Variants in ZFHX3 observed in about 807,000 individuals in gnomAD.
ZFHX3 encodes zinc finger homeobox protein 3.
Under a neutral mutation model 279.1 loss-of-function variants are expected in ZFHX3, and 42 were observed. That is an observed-to-expected ratio of 0.15 (90% CI 0.12 to 0.19). The LOEUF (loss-of-function observed/expected upper bound fraction) is 0.19, where lower values mean the gene tolerates loss of function less well. ZFHX3 is among the 10% of genes least tolerant of loss of function. The pLI, the probability that ZFHX3 is intolerant of heterozygous loss-of-function variation, is 1.00. For missense variants in ZFHX3, 4,981 were observed against 4,754.0 expected (o/e 1.05, Z -1.40); for synonymous variants, 2,293 against 1,957.8 (o/e 1.17, Z -4.52).
intron 6 of ZFHX3, among the ~76,000 whole-genome samples, chr16:73,135,574 T>A (rs917691292): frequency 6.6e-6 from 1 of 152,238 alleles, no homozygotes; most frequent in Non-Finnish European, 1.5e-5. Flanking sequence ...TGCAAACTTA[T>A]GACCTATGAA....
intron 4 of ZFHX3, among the ~76,000 whole-genome samples, chr16:72,864,955 A>G (rs531719888): frequency 6.6e-6 from 1 of 152,352 alleles, no homozygotes; most frequent in East Asian, 1.9e-4. Context: ...GATGTGGGCC[A>G]GTGCATTTCC....
intron 4 of ZFHX3, 113 bp from the exon 5 acceptor site, chr16:72,829,972 C>T (rs2037025571): frequency 5.5e-6 from 6 of 1,091,586 alleles, no homozygotes; most frequent in South Asian, 1.4e-5. Flanking sequence ...GACTCGTCCC[C>T]CTTCTCTTTC....
intron 2 of ZFHX3, among the ~76,000 whole-genome samples, chr16:73,547,632 A>T (rs1392222829): frequency 1.3e-5 from 2 of 152,160 alleles, no homozygotes; most frequent in Non-Finnish European, 1.5e-5. Context: ...CTTGATTTTC[A>T]TAATACAAGG....
At chr16:73,768,063 A>C (rs139430210) in intron 1 of ZFHX3, among the ~76,000 whole-genome samples, 52 of 152,302 alleles carry the variant, frequency 3.4e-4, no homozygotes, top group African/African-American at 1.1e-3. Context: ...ACCAGAAAGG[A>C]TTCAGGGCCT....
chr16:72,994,017 T>G (rs577588276), intron 1 of ZFHX3, among the ~76,000 whole-genome samples: 1 of 152,282 alleles, frequency 6.6e-6, no homozygotes, highest in East Asian at 1.9e-4. Context: ...ACGACAGATT[T>G]CTCAGACACC....
intron 3 of ZFHX3, among the ~76,000 whole-genome samples, chr16:73,382,509 T>C (rs1448626994): frequency 6.6e-6 from 1 of 152,086 alleles, no homozygotes; most frequent in Non-Finnish European, 1.5e-5. Context: ...GAGAATAATA[T>C]GATTTATGTT....
At chr16:72,866,047 C>T (rs112367957) in intron 4 of ZFHX3, among the ~76,000 whole-genome samples, 8 of 152,170 alleles carry the variant, frequency 5.3e-5, no homozygotes, top group Non-Finnish European at 8.8e-5. Context: ...TAATGTGATG[C>T]GGTCGTGAGA....
intron 4 of ZFHX3, among the ~76,000 whole-genome samples, chr16:72,840,706 C>T (rs963358291): frequency 1.6e-4 from 25 of 152,238 alleles, no homozygotes; most frequent in African/African-American, 5.5e-4. Flanking sequence ...CAGAAAACAG[C>T]TTCACCCTTG....
chr16:73,330,625 G>A (rs1475832454), intron 3 of ZFHX3, among the ~76,000 whole-genome samples: 1 of 152,186 alleles, frequency 6.6e-6, no homozygotes, highest in African/African-American at 2.4e-5. Flanking sequence ...AAGCTTCTAG[G>A]CTGATGGGTG....
chr16:73,010,081 C>T (rs1486771364), intron 1 of ZFHX3, among the ~76,000 whole-genome samples: 3 of 150,820 alleles, frequency 2.0e-5, no homozygotes, highest in Non-Finnish European at 4.4e-5. Flanking sequence ...CTTCCATTAG[C>T]ATCAGAACAC....
chr16:73,251,510 G>A (rs991098627), intron 5 of ZFHX3, among the ~76,000 whole-genome samples: 17 of 152,168 alleles, frequency 1.1e-4, no homozygotes, highest in African/African-American at 3.4e-4. Context: ...GCTCAGAGAA[G>A]TGAATCATTA....
intron 1 of ZFHX3, among the ~76,000 whole-genome samples, chr16:72,979,625 T>C (rs1186032329): frequency 6.6e-6 from 1 of 152,162 alleles, no homozygotes. Flanking sequence ...ATATAAGACA[T>C]GGACCCCGAA....
intron 3 of ZFHX3, among the ~76,000 whole-genome samples, chr16:73,380,166 C>G (rs892131791): frequency 6.6e-6 from 1 of 152,124 alleles, no homozygotes; most frequent in South Asian, 2.1e-4. Flanking sequence ...TTAAAAAGCA[C>G]AGCTGATAAA....
chr16:73,343,327 A>G (rs2016068881), intron 3 of ZFHX3, among the ~76,000 whole-genome samples: 1 of 152,114 alleles, frequency 6.6e-6, no homozygotes, highest in Admixed American at 6.5e-5. Flanking sequence ...TCTCTTCTTC[A>G]CCAAAAGAAT....
At chr16:73,512,306 G>T (rs1340106762) in intron 2 of ZFHX3, among the ~76,000 whole-genome samples, 2 of 150,154 alleles carry the variant, frequency 1.3e-5, no homozygotes, top group African/African-American at 2.5e-5. Flanking sequence ...AAATTAGCTG[G>T]GCATGGTGGT....
At chr16:73,032,956 G>C (rs369871834) in intron 1 of ZFHX3, among the ~76,000 whole-genome samples, 1 of 152,278 alleles carries the variant, frequency 6.6e-6, no homozygotes, top group East Asian at 1.9e-4. Context: ...GCAGGGCTGC[G>C]GCCAGACCCC....
intron 4 of ZFHX3, among the ~76,000 whole-genome samples, chr16:72,887,911 G>A (rs1270750031): frequency 6.6e-6 from 1 of 152,070 alleles, no homozygotes. Context: ...GAGGTATCGG[G>A]CTGGTGTGTG....
chr16:73,725,272 C>A (rs2053508378), intron 1 of ZFHX3, among the ~76,000 whole-genome samples: 2 of 152,186 alleles, frequency 1.3e-5, no homozygotes, highest in Admixed American at 1.3e-4. Flanking sequence ...CTTGGCCCAG[C>A]CTGATTTCAA....
chr16:73,485,890 T>C (rs932870289), intron 2 of ZFHX3, among the ~76,000 whole-genome samples: 2 of 152,168 alleles, frequency 1.3e-5, no homozygotes, highest in African/African-American at 4.8e-5. Context: ...TGCTCTCAAG[T>C]GCCTAGTGCC....
Sources: allele counts gnomAD v4.1 joint callset (sites outside exome capture counted in the v4.1 genomes callset), GRCh38; gene constraint gnomAD v4.1.1; transcripts MANE v1.5; gene names NCBI Gene and HGNC (gene_info 2026-07-23, HGNC 2026-07-21).